RPL6: variants seen among roughly 807,000 people sequenced by gnomAD.
The protein encoded by RPL6 is large ribosomal subunit protein eL6.
RPL6 carries 1 observed loss-of-function variant against 32.1 expected under a neutral mutation model. The observed-to-expected ratio is 0.03, with a 90% CI of 0.01 to 0.15. RPL6 has a LOEUF of 0.15. RPL6 is among the 10% of genes least tolerant of loss of function. The probability of loss-of-function intolerance (pLI) is 1.00; values close to 1 mark genes in which losing one functional copy is unlikely to be tolerated. For missense variants in RPL6, 275 were observed against 354.6 expected, an observed-to-expected ratio of 0.78 and a Z score of 1.80; for synonymous variants, 126 against 131.6, an observed-to-expected ratio of 0.96 and a Z score of 0.29.
chr12:112,406,049 A>T lies in RPL6; in HGVS notation c.530-12T>A, dbSNP rs1203010405. The stretch of plus-strand genomic sequence containing the variant: ...GAGGACCAGAGGTCCTAAGGGGGAA[A>T]AATTAATTTAGCAAGGAAAAGGGGG... On this transcript the variant is annotated splice_polypyrimidine_tract_variant and intron_variant, in intron 5 of 6. Transcript: ENST00000202773. 10 of 1,593,436 alleles carry T rather than the reference A, an allele frequency of 6.3e-6. No homozygotes were observed. Among genetic ancestry groups the T allele is most frequent in the South Asian group, 1.1e-5 (1 of 88,828 alleles).
upstream of RPL6, chr12:112,409,742 G>A (rs2037304926): frequency 8.8e-6 from 3 of 340,508 alleles, no homozygotes; most frequent in Non-Finnish European, 1.6e-5. Flanking sequence ...CGGGTGCGGT[G>A]GCTCACGCCT....
chr12:112,407,170 C>A, intron 3 of RPL6: 1 of 327,490 alleles, frequency 3.1e-6, no homozygotes, highest in Non-Finnish European at 5.7e-6. Flanking sequence ...AAAAACTAAA[C>A]CTCAGAGATT....
upstream of RPL6, among the ~76,000 whole-genome samples, chr12:112,412,477 A>AT (rs776015771): frequency 1.8e-3 from 252 of 140,400 alleles, no homozygotes; most frequent in South Asian, 4.3e-3. Context: ...GCCCAGCCTA[A>AT]TTTTTTTTTT....
intron 1 of RPL6, chr12:112,408,865 CT>C (rs970358742): frequency 2.4e-4 from 122 of 510,574 alleles, no homozygotes; most frequent in Middle Eastern, 1.5e-3. Flanking sequence ...ACACTATAAA[CT>C]TTTTTTTTGA....
At position 112,408,304 on chromosome 12, in the gene RPL6, G is replaced by C; in HGVS notation, c.272C>G (p.Thr91Ser). 1 of 1,614,234 alleles carries C rather than the reference G, an allele frequency of 6.2e-7. No individual in the cohort carries two copies. The highest frequency in any genetic ancestry group is 8.5e-7 in the Non-Finnish European group (1 of 1,180,048). The change falls in exon 3 of 7, where the codon ACT becomes AGT. Residue 91 changes from threonine (T) to serine (S), a missense_variant. By Grantham distance (58) the Thr-to-Ser change is moderately conservative. Transcript: ENST00000202773. ...EKKKKEKVLA[T>S]VTKPVGGDKN... ...GTCACCACCAACTGGTTTTGTAACA[G>C]TTGCGAGAACCTTCTCCTTCTTTTT...
chr12:112,411,863 T>C (rs2037344190), upstream of RPL6, among the ~76,000 whole-genome samples: 1 of 152,120 alleles, frequency 6.6e-6, no homozygotes, highest in African/African-American at 2.4e-5. Flanking sequence ...AAAGCAGACA[T>C]TTTTGCAGAC....
At chr12:112,410,376 T>C, upstream of RPL6, 2 of 259,338 alleles carry the variant, frequency 7.7e-6, no homozygotes, top group Non-Finnish European at 1.6e-5. Flanking sequence ...ATTCCCGTCC[T>C]CCGGCCTGGC....
chr12:112,416,142 T>A (rs2037406179), intron 1 of RPL6, among the ~76,000 whole-genome samples: 1 of 134,984 alleles, frequency 7.4e-6, no homozygotes, highest in Non-Finnish European at 1.6e-5. Context: ...TATTTTTTTT[T>A]TTTTTTTTTT....
intron 1 of RPL6, 60 bp from the exon 2 acceptor site, chr12:112,408,716 C>A: frequency 7.1e-7 from 1 of 1,415,044 alleles, no homozygotes; most frequent in Non-Finnish European, 9.5e-7. Context: ...TCTAACAAGA[C>A]AATAATGAAC....
upstream of RPL6, among the ~76,000 whole-genome samples, chr12:112,410,008 G>GAAAAAAAAAAAAA (rs367708899): frequency 1.3e-5 from 1 of 74,490 alleles, no homozygotes; most frequent in African/African-American, 4.6e-5. Context: ...TCTCAAAAAA[G>GAAAAAAAAAAAAA]AAAAAAAAAA....
chr12:112,408,692 T>C, intron 1 of RPL6, 36 bp from the exon 2 acceptor site: 1 of 1,508,654 alleles, frequency 6.6e-7, no homozygotes, highest in Non-Finnish European at 8.9e-7. Context: ...AAAAGGCATT[T>C]CACCAGTCAT....
upstream of RPL6, chr12:112,410,363 C>A: frequency 3.7e-6 from 1 of 273,460 alleles, no homozygotes; most frequent in Non-Finnish European, 7.4e-6. Flanking sequence ...CATGGCCTTT[C>A]TCATTCCCGT....
At position 112,405,389 on chromosome 12, in the gene RPL6, A is replaced by G. The variant is rs1021073203; in HGVS notation, c.715-13T>C. On this transcript the variant is annotated splice_polypyrimidine_tract_variant and intron_variant, in intron 6 of 6. Transcript: ENST00000202773. Reference sequence around the variant, plus strand: ...TAATCTCATATTTCTAAATAAAGAGAAAATCAAACATTTTAAAACAGGCAC... The same window carrying G: ...TAATCTCATATTTCTAAATAAAGAGGAAATCAAACATTTTAAAACAGGCAC... 6.2e-7 allele frequency: 1 copy of G among 1,609,112 alleles called. No homozygotes were observed.
intron 2 of RPL6, 37 bp downstream of exon 2, chr12:112,408,383 G>A: frequency 6.2e-7 from 1 of 1,613,536 alleles, no homozygotes; most frequent in Non-Finnish European, 8.5e-7. Context: ...TGCCAATTAA[G>A]GTTAAGACAT....
intron 3 of RPL6, chr12:112,407,754 CTT>C (rs1173024202): frequency 6.3e-6 from 1 of 159,566 alleles, no homozygotes; most frequent in Non-Finnish European, 1.4e-5. Flanking sequence ...CCCATCTTAT[CTT>C]TTTTTGAGAT....
At chr12:112,411,934 C>T (rs898104867), upstream of RPL6, among the ~76,000 whole-genome samples, 2 of 151,284 alleles carry the variant, frequency 1.3e-5, no homozygotes, top group African/African-American at 4.9e-5. Context: ...GGCTGGAGTG[C>T]AGTGCCGTGA....
intron 3 of RPL6, 138 bp from the exon 4 acceptor site, chr12:112,407,028 C>T (rs1417974614): frequency 1.2e-6 from 1 of 861,982 alleles, no homozygotes; most frequent in East Asian, 2.8e-5. Flanking sequence ...ATTTTCATTT[C>T]TGCTAAGTAG....
intron 1 of RPL6, among the ~76,000 whole-genome samples, chr12:112,417,524 G>A (rs1442355015): frequency 6.9e-6 from 1 of 144,730 alleles, no homozygotes; most frequent in African/African-American, 2.6e-5. Context: ...GCTTCACAGA[G>A]TGTCCAAAGT....
intron 1 of RPL6, among the ~76,000 whole-genome samples, chr12:112,416,705 C>T (rs1343052218): frequency 2.6e-5 from 4 of 152,220 alleles, no homozygotes; most frequent in Admixed American, 2.0e-4. Flanking sequence ...TGAGCTACCG[C>T]GCCCCGAGTG....
Sources: gnomAD v4.1 joint callset for allele counts (sites outside exome capture counted in the v4.1 genomes callset) on GRCh38, gnomAD v4.1.1 for gene constraint, MANE v1.5 for transcripts, NCBI Gene and HGNC (gene_info 2026-07-23, HGNC 2026-07-21) for gene names.